Variants in ABCA13 observed in about 807,000 individuals in gnomAD.
The protein encoded by ABCA13 is ATP-binding cassette sub-family A member 13.
Under a neutral mutation model 478.7 loss-of-function variants are expected in ABCA13, and 476 were observed. That is an observed-to-expected ratio of 0.99 (90% CI 0.92 to 1.07). The LOEUF is 1.07. ABCA13 is among the 50% of genes least tolerant of loss of function. The pLI is 0.00. For synonymous variants in ABCA13, 2,252 were observed against 2,158.9 expected (o/e 1.04, Z -1.20); for missense variants, 6,060 against 5,910.6 (o/e 1.03, Z -0.83).
intron 1 of ABCA13, 65 bp downstream of exon 1, chr7:48,171,617 C>T: frequency 1.3e-6 from 2 of 1,498,240 alleles, no homozygotes; most frequent in Admixed American, 3.9e-5. Flanking sequence ...AGGGTCTATT[C>T]TTTCCTGCCT....
intron 41 of ABCA13, among the ~76,000 whole-genome samples, chr7:48,420,812 C>A (rs1273528782): frequency 1.3e-5 from 2 of 149,184 alleles, no homozygotes; most frequent in African/African-American, 5.0e-5. Context: ...ATTTAAGTTT[C>A]AATTGTGCCC....
chr7:48,300,028 C>A (rs965678581), intron 23 of ABCA13, among the ~76,000 whole-genome samples: 1 of 152,148 alleles, frequency 6.6e-6, no homozygotes, highest in African/African-American at 2.4e-5. Flanking sequence ...TAAGTATATC[C>A]ATAAATGCAC....
rs1265962351 is a variant in ABCA13 at position 48,410,516 on chromosome 7, C to A, written c.12071-4C>A. 1.7e-5 allele frequency: 27 copies of A among 1,613,852 alleles called. No homozygotes were observed. The highest frequency in any genetic ancestry group is 2.2e-5 in the Non-Finnish European group (26 of 1,179,882). On this transcript the variant is annotated splice_region_variant and splice_polypyrimidine_tract_variant and intron_variant, in intron 39 of 61. Transcript: ENST00000435803. ...GTGCTGATGCACCCTGTGCTTGGAC[C>A]CAGGTCGTACGATCATCTTCACAAC...
intron 1 of ABCA13, among the ~76,000 whole-genome samples, chr7:48,177,376 G>T (rs1321197403): frequency 1.3e-5 from 2 of 152,214 alleles, no homozygotes; most frequent in Non-Finnish European, 2.9e-5. Context: ...GGTCCTTGGG[G>T]TCAGGGCATC....
intron 50 of ABCA13, among the ~76,000 whole-genome samples, chr7:48,508,911 T>C (rs1285104681): frequency 2.6e-5 from 4 of 152,242 alleles, no homozygotes; most frequent in Non-Finnish European, 4.4e-5. Context: ...CTTTTGATCA[T>C]GTAACTTGGA....
In ABCA13 at chr7:48,606,717, T is replaced by G. The variant is rs569028724; in HGVS notation, c.14745-8568T>G. On this transcript the variant is annotated intron_variant, in intron 58 of 61. Coordinates refer to ENST00000435803, the MANE Select transcript of ABCA13 (RefSeq NM_152701.5). ...CAGAGACCCACTTGAGGAGGCAGTC[T>G]GTCCCTTATCGGAGCTCGAACACTG... is the stretch of plus-strand genomic sequence containing the variant. Among the ~76,000 whole-genome samples, 256 of 152,336 alleles carry G rather than the reference T, an allele frequency of 1.7e-3. 1 individual carries two copies. Among genetic ancestry groups the G allele is most frequent in the African/African-American group, 5.6e-3 (231 of 41,594 alleles).
At chr7:48,611,423 C>T (rs1792013905) in intron 58 of ABCA13, among the ~76,000 whole-genome samples, 1 of 152,122 alleles carries the variant, frequency 6.6e-6, no homozygotes, top group Admixed American at 6.6e-5. Context: ...CTGTCTGTAC[C>T]AATTTTCTGT....
At chr7:48,409,134 C>G (rs1301689885) in intron 39 of ABCA13, among the ~76,000 whole-genome samples, 1 of 152,166 alleles carries the variant, frequency 6.6e-6, no homozygotes, top group African/African-American at 2.4e-5. Context: ...TTAGCCTTCT[C>G]TCTTTGAAAA....
At chr7:48,637,056 A>G (rs898419722) in intron 59 of ABCA13, among the ~76,000 whole-genome samples, 1 of 152,166 alleles carries the variant, frequency 6.6e-6, no homozygotes, top group Admixed American at 6.5e-5. Flanking sequence ...TGAACTCAGA[A>G]GAAGTTTAAT....
At chr7:48,501,916 CTG>C (rs1830786817) in intron 48 of ABCA13, among the ~76,000 whole-genome samples, 1 of 152,172 alleles carries the variant, frequency 6.6e-6, no homozygotes, top group African/African-American at 2.4e-5. Context: ...TGGGTTCTGC[CTG>C]TGTCAGGAGC....
At chr7:48,563,048 T>G (rs561244536) in intron 55 of ABCA13, among the ~76,000 whole-genome samples, 1 of 152,106 alleles carries the variant, frequency 6.6e-6, no homozygotes, top group Non-Finnish European at 1.5e-5. Context: ...GCTTTAGCAT[T>G]TGCATTTGGC....
rs373271032 is a variant in ABCA13, at chr7:48,389,151, G to C, written c.11585G>C (p.Ser3862Thr). The C allele has an allele frequency of 4.1e-5, 66 of 1,613,856 alleles. No individual in the cohort carries two copies. In the Middle Eastern group the frequency reaches 9.9e-4, roughly 24 times the overall value. ...CACAAGGCTGTGGTCCAAGACCTCAGCCTGACCTTCTACAGAGACCAAATC... is the reference window on the plus strand; with the variant it reads ...CACAAGGCTGTGGTCCAAGACCTCACCCTGACCTTCTACAGAGACCAAATC... ...EGHKAVVQDL[S>T]LTFYRDQITA... The change falls in exon 37 of 62, where the codon AGC becomes ACC. Residue 3862 changes from serine to threonine, a missense_variant. This residue lies in a region of ABCA13 where 1,627 missense variants were observed against 1,571.0 expected (regional missense o/e 1.04). Transcript: ENST00000435803.
chr7:48,203,345 G>C (rs920407542), intron 3 of ABCA13, among the ~76,000 whole-genome samples: 1 of 152,244 alleles, frequency 6.6e-6, no homozygotes, highest in South Asian at 2.1e-4. Context: ...GCCTTGGCCA[G>C]CCCAGAAAGG....
At chr7:48,438,331 G>A (rs2129158549) in intron 42 of ABCA13, among the ~76,000 whole-genome samples, 1 of 152,174 alleles carries the variant, frequency 6.6e-6, no homozygotes, top group South Asian at 2.1e-4. Flanking sequence ...TTGGGAGTTT[G>A]GTTGGTTGCT....
chr7:48,385,498 T>G (rs951924613), intron 35 of ABCA13, among the ~76,000 whole-genome samples: 2 of 152,236 alleles, frequency 1.3e-5, no homozygotes, highest in Non-Finnish European at 2.9e-5. Context: ...CATTCCTTTT[T>G]ATGGCTGCAT....
At chr7:48,295,890 T>C (rs755896466) in intron 21 of ABCA13, 27 bp downstream of exon 21, 3 of 1,569,706 alleles carry the variant, frequency 1.9e-6, no homozygotes, top group Non-Finnish European at 1.7e-6. Flanking sequence ...TTTCATGCCC[T>C]CCCCAGTACT....
chr7:48,435,720 A>G (rs1822740567), intron 42 of ABCA13, among the ~76,000 whole-genome samples: 1 of 151,746 alleles, frequency 6.6e-6, no homozygotes, highest in Non-Finnish European at 1.5e-5. Flanking sequence ...TGTTTTTATC[A>G]TAACAAAGTG....
At chr7:48,586,583 C>T (rs915092859) in intron 56 of ABCA13, among the ~76,000 whole-genome samples, 2 of 152,074 alleles carry the variant, frequency 1.3e-5, no homozygotes, top group South Asian at 2.1e-4. Context: ...TCCAAAAGTG[C>T]GGAGGGAGGG....
intron 55 of ABCA13, among the ~76,000 whole-genome samples, chr7:48,545,860 G>T (rs959766598): frequency 9.2e-5 from 14 of 151,906 alleles, no homozygotes; most frequent in African/African-American, 2.6e-4. Flanking sequence ...ATGAAATTAT[G>T]TGAAATATGG....
Sources: allele counts gnomAD v4.1 joint callset (sites outside exome capture counted in the v4.1 genomes callset), GRCh38; gene constraint gnomAD v4.1.1; regional missense constraint gnomAD v4.1.1; transcripts MANE v1.5; gene names NCBI Gene and HGNC (gene_info 2026-07-23, HGNC 2026-07-21).